SPRED2: variants seen among roughly 807,000 people sequenced by gnomAD.
The protein encoded by SPRED2 is sprouty-related, EVH1 domain-containing protein 2.
A neutral mutation model predicts 43.0 loss-of-function variants in SPRED2; 47 were observed. The observed-to-expected ratio is 1.09, with a 90% confidence interval of 0.87 to 1.40. The LOEUF is 1.40. Ranked by LOEUF, SPRED2 falls within the 40% of genes most tolerant of loss-of-function variation. The pLI is 0.00. For synonymous variants in SPRED2, 225 were observed against 225.7 expected (o/e 1.00, Z 0.03); for missense variants, 561 against 586.4 (o/e 0.96, Z 0.45).
chr2:65,415,026 G>A (rs1676241899), intron 1 of SPRED2, among the ~76,000 whole-genome samples: 1 of 152,042 alleles, frequency 6.6e-6, no homozygotes, highest in South Asian at 2.1e-4. Flanking sequence ...TTGAATTCCT[G>A]TTCTCCTGTC....
At chr2:65,326,922 C>G (rs978135403) in intron 4 of SPRED2, among the ~76,000 whole-genome samples, 2 of 152,094 alleles carry the variant, frequency 1.3e-5, no homozygotes, top group Non-Finnish European at 2.9e-5. Context: ...CTCACTGCAG[C>G]CTTGACCTCT....
intron 1 of SPRED2, among the ~76,000 whole-genome samples, chr2:65,415,559 T>C (rs1396743303): frequency 6.6e-6 from 1 of 152,238 alleles, no homozygotes; most frequent in East Asian, 1.9e-4. Flanking sequence ...CTATATTTAC[T>C]GCTTTAACCA....
At chr2:65,428,982 T>G (rs189135920) in intron 1 of SPRED2, among the ~76,000 whole-genome samples, 1 of 152,204 alleles carries the variant, frequency 6.6e-6, no homozygotes, top group Admixed American at 6.5e-5. Context: ...AATTTTAACA[T>G]GCATTTTTAT....
At chr2:65,309,384 T>C (rs2104082427), downstream of SPRED2, among the ~76,000 whole-genome samples, 1 of 151,228 alleles carries the variant, frequency 6.6e-6, no homozygotes, top group Non-Finnish European at 1.5e-5. Flanking sequence ...TGTGCACCTG[T>C]AGTCCTAGCT....
chr2:65,383,616 A>G (rs1185364705), intron 1 of SPRED2, among the ~76,000 whole-genome samples: 1 of 152,200 alleles, frequency 6.6e-6, no homozygotes, highest in Non-Finnish European at 1.5e-5. Context: ...TTCTGAGATA[A>G]GGCTTTCTGG....
downstream of SPRED2, among the ~76,000 whole-genome samples, chr2:65,309,370 G>A (rs1673010494): frequency 6.6e-6 from 1 of 151,864 alleles, no homozygotes; most frequent in South Asian, 2.1e-4. Context: ...GCTGGGCATG[G>A]TGATGTGCAC....
chr2:65,418,970 A>C (rs533861067), intron 1 of SPRED2, among the ~76,000 whole-genome samples: 1 of 152,286 alleles, frequency 6.6e-6, no homozygotes, highest in South Asian at 2.1e-4. Flanking sequence ...AATGAAAAGA[A>C]TCCTTAAATA....
At chr2:65,428,840 C>T (rs1363616341) in intron 1 of SPRED2, among the ~76,000 whole-genome samples, 2 of 152,196 alleles carry the variant, frequency 1.3e-5, no homozygotes, top group African/African-American at 4.8e-5. Flanking sequence ...TGATCAAACG[C>T]TTTAAAGATA....
intron 1 of SPRED2, among the ~76,000 whole-genome samples, chr2:65,358,596 A>T (rs1674721254): frequency 6.6e-6 from 1 of 152,268 alleles, no homozygotes; most frequent in African/African-American, 2.4e-5. Flanking sequence ...CATTTCTTAT[A>T]GACCTCTGCT....
Position 65,311,588 on chromosome 2 carries a change from G to C in SPRED2, c.*1913C>G. ...CCGGGTCGGGGGAAGGTGGTCTCTCGACAGCACTGGAGGCTGGCTGAAGGT... is the reference window on the plus strand; with the variant it reads ...CCGGGTCGGGGGAAGGTGGTCTCTCCACAGCACTGGAGGCTGGCTGAAGGT... On this transcript the variant is annotated 3_prime_UTR_variant, in exon 6 of 6. Coordinates refer to ENST00000356388, the MANE Select transcript of SPRED2 (RefSeq NM_181784.3). 2.0e-6 allele frequency: 2 copies of C among 985,854 alleles called. No individual in the cohort carries two copies. Among genetic ancestry groups the C allele is most frequent in the African/African-American group, 1.7e-5 (1 of 57,344 alleles). 61.1% of individuals were successfully genotyped at this position (985,854 alleles called of 1,614,324 possible).
At chr2:65,397,413 T>C (rs1299975169) in intron 1 of SPRED2, among the ~76,000 whole-genome samples, 1 of 152,136 alleles carries the variant, frequency 6.6e-6, no homozygotes. Context: ...TTATGACATG[T>C]CTCTCTTTTT....
intron 1 of SPRED2, among the ~76,000 whole-genome samples, chr2:65,390,135 G>A (rs1247374955): frequency 1.3e-5 from 2 of 152,160 alleles, no homozygotes; most frequent in South Asian, 2.1e-4. Context: ...CTGGGCAGAG[G>A]AGCCAAAATC....
At chr2:65,408,497 C>T (rs758756764) in intron 1 of SPRED2, among the ~76,000 whole-genome samples, 5 of 152,132 alleles carry the variant, frequency 3.3e-5, no homozygotes, top group African/African-American at 7.2e-5. Flanking sequence ...GCAAATTGCT[C>T]GGACCAGAAC....
At chr2:65,322,993 G>GATTT (rs1287969381) in intron 4 of SPRED2, among the ~76,000 whole-genome samples, 1 of 152,050 alleles carries the variant, frequency 6.6e-6, no homozygotes, top group Non-Finnish European at 1.5e-5. Flanking sequence ...TATGTGATGT[G>GATTT]ATTTATTTAT....
chr2:65,329,294 G>A (rs1673736227), intron 4 of SPRED2, among the ~76,000 whole-genome samples: 1 of 152,230 alleles, frequency 6.6e-6, no homozygotes, highest in Non-Finnish European at 1.5e-5. Flanking sequence ...TCTAATGACA[G>A]GGAGCTCATA....
intron 4 of SPRED2, 48 bp from the exon 5 acceptor site, chr2:65,316,931 A>T: frequency 2.5e-6 from 4 of 1,590,488 alleles, no homozygotes; most frequent in Non-Finnish European, 3.4e-6. Flanking sequence ...CAACAACAAA[A>T]ACCCCACGCA....
intron 1 of SPRED2, among the ~76,000 whole-genome samples, chr2:65,345,470 A>G (rs1411146308): frequency 1.3e-5 from 2 of 151,988 alleles, no homozygotes; most frequent in Non-Finnish European, 2.9e-5. Context: ...CCATGTTGGC[A>G]CGCTGGTCTG....
chr2:65,417,385 G>C (rs1676310626), intron 1 of SPRED2, among the ~76,000 whole-genome samples: 1 of 152,104 alleles, frequency 6.6e-6, no homozygotes, highest in African/African-American at 2.4e-5. Context: ...TCCACTCCCA[G>C]TGCTCCTGTA....
At position 65,432,103 on chromosome 2, in the gene SPRED2, G is replaced by T. The variant is rs1457966140; in HGVS notation, c.-116C>A. 1 of 1,387,970 alleles carries T rather than the reference G, an allele frequency of 7.2e-7. No homozygotes were observed. Among genetic ancestry groups the T allele is most frequent in the Non-Finnish European group, 1.0e-6 (1 of 995,736 alleles). 86.0% of individuals were successfully genotyped at this position (1,387,970 alleles called of 1,614,324 possible). On this transcript the variant is annotated 5_prime_UTR_variant, in exon 1 of 6. Transcript: ENST00000356388. Reference sequence around the variant, plus strand: ...AGATCGCCTGATTTGGGGAGGGGGGGCGGCTAGAGATGAAGAGGGCGCCGC... The same window carrying T: ...AGATCGCCTGATTTGGGGAGGGGGGTCGGCTAGAGATGAAGAGGGCGCCGC...
Sources: gnomAD v4.1 joint callset for allele counts (sites outside exome capture counted in the v4.1 genomes callset) on GRCh38, gnomAD v4.1.1 for gene constraint, MANE v1.5 for transcripts, NCBI Gene and HGNC (gene_info 2026-07-23, HGNC 2026-07-21) for gene names.